The following SORCS2 variants were observed in gnomAD, a reference collection of about 807,000 sequenced individuals.
SORCS2 encodes the protein VPS10 domain-containing receptor SorCS2.
SORCS2 carries 100 observed loss-of-function variants against 141.6 expected under a neutral mutation model. The observed-to-expected ratio is 0.71, with a 90% CI of 0.60 to 0.83. The LOEUF is 0.83. Ranked by LOEUF, SORCS2 falls within the 40% of genes least tolerant of loss-of-function variation. The pLI is 0.00. For synonymous variants in SORCS2, 789 were observed against 676.9 expected (o/e 1.17, Z -2.57); for missense variants, 1,646 against 1,560.2 (o/e 1.05, Z -0.93).
intron 2 of SORCS2, among the ~76,000 whole-genome samples, chr4:7,526,544 G>T (rs1382634581): frequency 1.3e-5 from 2 of 152,096 alleles, no homozygotes; most frequent in South Asian, 2.1e-4. Context: ...GAGAACAGGG[G>T]ATTCTTGGGG....
intron 2 of SORCS2, among the ~76,000 whole-genome samples, chr4:7,485,861 A>G (rs549449219): frequency 6.6e-6 from 1 of 152,104 alleles, no homozygotes; most frequent in Non-Finnish European, 1.5e-5. Context: ...GAAAGGACTG[A>G]GTAGGGAGGC....
chr4:7,366,136 C>T (rs1214600607), intron 1 of SORCS2, among the ~76,000 whole-genome samples: 4 of 152,186 alleles, frequency 2.6e-5, no homozygotes, highest in African/African-American at 9.6e-5. Flanking sequence ...CCCGCACATC[C>T]CTGCCACCCT....
chr4:7,665,002 C>T (rs531466969), intron 7 of SORCS2, among the ~76,000 whole-genome samples: 13 of 152,354 alleles, frequency 8.5e-5, no homozygotes, highest in African/African-American at 2.2e-4. Flanking sequence ...CCCGAAACAG[C>T]CTAGCCCTCT....
chr4:7,535,365 G>T (rs1410056002), intron 3 of SORCS2, among the ~76,000 whole-genome samples: 2 of 152,216 alleles, frequency 1.3e-5, no homozygotes, highest in Admixed American at 6.5e-5. Context: ...GCACCGGGGA[G>T]CGGCAGGGGA....
At chr4:7,519,091 C>T (rs1369050248) in intron 2 of SORCS2, among the ~76,000 whole-genome samples, 3 of 152,168 alleles carry the variant, frequency 2.0e-5, no homozygotes, top group East Asian at 1.9e-4. Context: ...GAAGTGTGCC[C>T]GGCGGAGGGC....
intron 4 of SORCS2, 63 bp from the exon 5 acceptor site, chr4:7,654,070 CT>C: frequency 7.1e-7 from 1 of 1,415,306 alleles, no homozygotes; most frequent in Non-Finnish European, 9.8e-7. Context: ...ACATCACCCT[CT>C]CTCAGAAGCA....
intron 26 of SORCS2, among the ~76,000 whole-genome samples, chr4:7,737,826 C>T (rs1172528583): frequency 6.6e-6 from 1 of 152,204 alleles, no homozygotes; most frequent in Non-Finnish European, 1.5e-5. Flanking sequence ...TCTCATGAGG[C>T]TGCAGTCAAT....
At chr4:7,566,688 C>T (rs543401697) in intron 3 of SORCS2, among the ~76,000 whole-genome samples, 60 of 152,372 alleles carry the variant, frequency 3.9e-4, no homozygotes, top group Admixed American at 3.4e-3. Context: ...TCTGAGCTCC[C>T]TTAGGAAGTG....
At chr4:7,275,117 G>A (rs1010744116) in intron 1 of SORCS2, among the ~76,000 whole-genome samples, 3 of 152,150 alleles carry the variant, frequency 2.0e-5, no homozygotes, top group Non-Finnish European at 2.9e-5. Flanking sequence ...GGGAGTAAAC[G>A]GGCATCTTCG....
At chr4:7,262,526 G>A (rs1255669074) in intron 1 of SORCS2, among the ~76,000 whole-genome samples, 1 of 152,192 alleles carries the variant, frequency 6.6e-6, no homozygotes, top group Non-Finnish European at 1.5e-5. Flanking sequence ...CCAGTGTAGT[G>A]TGGAGGACAC....
chr4:7,291,462 T>C (rs1716598404), intron 1 of SORCS2, among the ~76,000 whole-genome samples: 1 of 151,564 alleles, frequency 6.6e-6, no homozygotes, highest in African/African-American at 2.4e-5. Context: ...TCATGAGGGC[T>C]CCCAGGGTTC....
intron 8 of SORCS2, among the ~76,000 whole-genome samples, chr4:7,670,748 C>A (rs1722748941): frequency 6.6e-6 from 1 of 152,210 alleles, no homozygotes; most frequent in Admixed American, 6.5e-5. Flanking sequence ...ATCCCCCACC[C>A]CGGCCCCATG....
At chr4:7,274,144 C>G (rs901472869) in intron 1 of SORCS2, among the ~76,000 whole-genome samples, 18 of 152,236 alleles carry the variant, frequency 1.2e-4, no homozygotes, top group African/African-American at 4.3e-4. Flanking sequence ...GGCATCCAGT[C>G]TGTCCAGCTA....
intron 2 of SORCS2, chr4:7,433,524 A>G (rs774070372): frequency 6.8e-6 from 11 of 1,608,404 alleles, no homozygotes; most frequent in South Asian, 2.2e-5. Flanking sequence ...TGTCCTTGAG[A>G]CTCTCAATGA....
intron 2 of SORCS2, 147 bp from the exon 3 acceptor site, chr4:7,531,383 C>T (rs1711627654): frequency 3.1e-6 from 2 of 654,200 alleles, no homozygotes; most frequent in Non-Finnish European, 2.7e-6. Flanking sequence ...GCATACACTG[C>T]CCCCAGGCAG....
intron 5 of SORCS2, among the ~76,000 whole-genome samples, chr4:7,660,637 A>G (rs752780171): frequency 6.6e-6 from 1 of 152,148 alleles, no homozygotes; most frequent in Non-Finnish European, 1.5e-5. Context: ...CCTGGGCAGG[A>G]GCCTGAGACT....
chr4:7,606,005 A>C (rs1254869650), intron 3 of SORCS2, among the ~76,000 whole-genome samples: 1 of 152,216 alleles, frequency 6.6e-6, no homozygotes, highest in African/African-American at 2.4e-5. Context: ...GGGGAACAGA[A>C]GAGCCACCGG....
chr4:7,682,938 A>G (rs766105131), intron 10 of SORCS2, 49 bp downstream of exon 10: 4 of 1,582,748 alleles, frequency 2.5e-6, no homozygotes, highest in African/African-American at 2.7e-5. Context: ...TGGATGCTAG[A>G]TATAACTTCA....
intron 12 of SORCS2, among the ~76,000 whole-genome samples, chr4:7,699,727 C>T (rs922119583): frequency 1.3e-5 from 2 of 152,210 alleles, no homozygotes; most frequent in South Asian, 4.1e-4. Flanking sequence ...TCCAGCCTCA[C>T]AGGACCCAGC....
Sources: gnomAD v4.1 joint callset for allele counts (sites outside exome capture counted in the v4.1 genomes callset) on GRCh38, gnomAD v4.1.1 for gene constraint, MANE v1.5 for transcripts, NCBI Gene and HGNC (gene_info 2026-07-23, HGNC 2026-07-21) for gene names.